Variants in HSD17B2 observed in about 807,000 individuals in gnomAD.
HSD17B2 encodes the protein hydroxysteroid 17-beta dehydrogenase 2.
HSD17B2 carries 32 observed loss-of-function variants against 26.9 expected under a neutral mutation model. The ratio of observed to expected loss-of-function variants is 1.19; its 90% confidence interval spans 0.90 to 1.60. The LOEUF (loss-of-function observed/expected upper bound fraction) is 1.60, where lower values mean the gene tolerates loss of function less well. Among genes scored for constraint, HSD17B2 ranks in the 40% most tolerant of loss-of-function variants. HSD17B2 has a pLI of 0.00. For missense variants in HSD17B2, 613 were observed against 468.6 expected (o/e 1.31, Z -2.85); for synonymous variants, 246 against 186.7 (o/e 1.32, Z -2.59).
At chr16:82,096,708 A>C (rs901442856) in intron 4 of HSD17B2, 1 of 152,204 alleles carries the variant, frequency 6.6e-6, no homozygotes, top group Non-Finnish European at 1.5e-5. Flanking sequence ...GCATTTCTAA[A>C]GGCCCAGTTG....
In HSD17B2 at chr16:82,084,454, G is replaced by C. The variant is rs976486769; in HGVS notation, c.665-6448G>C. On this transcript the variant is annotated intron_variant, in intron 3 of 4. Coordinates refer to ENST00000199936, the MANE Select transcript of HSD17B2 (RefSeq NM_002153.3). ...ATGAACCATGGGTTTTGAGTGCTTA[G>C]CACAGTTACTGGTATATAGGAAATA... Among the ~76,000 whole-genome samples, 4 of 152,220 alleles carry C rather than the reference G, an allele frequency of 2.6e-5. No individual in the cohort carries two copies. The East Asian group carries it at 7.7e-4, about 29-fold the overall frequency.
chr16:82,091,906 C>T (rs1046675064), intron 4 of HSD17B2: 6 of 152,192 alleles, frequency 3.9e-5, no homozygotes, highest in African/African-American at 1.4e-4. Flanking sequence ...TGGGTTAGAA[C>T]CCTGGTCCCC....
intron 4 of HSD17B2, chr16:82,096,847 A>C (rs1269686899): frequency 6.6e-6 from 1 of 152,160 alleles, no homozygotes. Context: ...ATACTGTTGA[A>C]TAAAGAAGCT....
At chr16:82,059,453 A>C (rs1223500425) in intron 1 of HSD17B2, among the ~76,000 whole-genome samples, 3 of 152,256 alleles carry the variant, frequency 2.0e-5, no homozygotes, top group East Asian at 3.8e-4. Context: ...AAGAGATCTC[A>C]GAAACTGTTG....
intron 2 of HSD17B2, 185 bp from the exon 3 acceptor site, chr16:82,070,757 C>T: frequency 1.7e-6 from 1 of 594,136 alleles, no homozygotes; most frequent in Non-Finnish European, 3.0e-6. Flanking sequence ...CTTCCTGTTA[C>T]AGGAATTCCC....
rs1200075044 is a variant in HSD17B2 at position 82,071,128 on chromosome 16, G to A, written c.664+1G>A. The A allele has an allele frequency of 6.2e-7, 1 of 1,613,940 alleles. No individual in the cohort carries two copies. The highest frequency in any genetic ancestry group is 8.5e-7 in the Non-Finnish European group (1 of 1,179,942). On this transcript the variant is annotated splice_donor_variant, in intron 3 of 4. Coordinates refer to ENST00000199936, the MANE Select transcript of HSD17B2 (RefSeq NM_002153.3). LOFTEE classifies it high-confidence loss of function. The stretch of plus-strand genomic sequence containing the variant: ...CTGGTGAATGTCAGCAGCATGGGAG[G>A]TGAGTCAGCATTTTCACACATGGTC...
At position 82,035,689 on chromosome 16, in the gene HSD17B2, G is replaced by T; in HGVS notation, c.265G>T (p.Gly89Cys). The T allele has an allele frequency of 1.2e-6, 2 of 1,613,152 alleles. No individual in the cohort carries two copies. Among genetic ancestry groups the T allele is most frequent in the South Asian group, 1.1e-5 (1 of 90,990 alleles). The change falls in exon 1 of 5, where the codon GGT becomes TGT. Residue 89 changes from glycine to cysteine, a missense_variant and splice_region_variant. Transcript: ENST00000199936. Reference sequence around the variant, plus strand: ...GGATCAGAAGGCAGTCCTGGTGACAGGTAAGCAGACGGTGCTACAATTTTC... The same window carrying T: ...GGATCAGAAGGCAGTCCTGGTGACATGTAAGCAGACGGTGCTACAATTTTC... ...PVDQKAVLVT[G>C]GDCGLGHALC...
intron 1 of HSD17B2, among the ~76,000 whole-genome samples, chr16:82,067,292 A>G (rs1420561602): frequency 6.6e-6 from 1 of 152,232 alleles, no homozygotes; most frequent in Non-Finnish European, 1.5e-5. Context: ...TTTCTTATTA[A>G]AACAAGAGAG....
intron 1 of HSD17B2, among the ~76,000 whole-genome samples, chr16:82,058,262 G>C (rs2143955233): frequency 6.6e-6 from 1 of 151,702 alleles, no homozygotes; most frequent in Non-Finnish European, 1.5e-5. Flanking sequence ...GTAGAGGCAG[G>C]GTCTCCCTTT....
At chr16:82,060,718 AT>A (rs1419667115) in intron 1 of HSD17B2, among the ~76,000 whole-genome samples, 2 of 152,188 alleles carry the variant, frequency 1.3e-5, no homozygotes, top group Admixed American at 6.5e-5. Context: ...GCCTCTGAAG[AT>A]ACCAACCCCG....
At chr16:82,051,247 A>G (rs1914097317) in intron 1 of HSD17B2, among the ~76,000 whole-genome samples, 1 of 152,240 alleles carries the variant, frequency 6.6e-6, no homozygotes, top group Non-Finnish European at 1.5e-5. Context: ...CCTGGTATGC[A>G]GTAGATGCTT....
chr16:82,086,782 C>T (rs550156795), intron 3 of HSD17B2, among the ~76,000 whole-genome samples: 3 of 152,302 alleles, frequency 2.0e-5, no homozygotes, highest in African/African-American at 7.2e-5. Flanking sequence ...ATCGTGTGGC[C>T]TAAACAACAC....
At chr16:82,035,744 C>T in intron 1 of HSD17B2, 55 bp downstream of exon 1, 1 of 1,561,770 alleles carries the variant, frequency 6.4e-7, no homozygotes, top group South Asian at 1.2e-5. Flanking sequence ...ACTTGCTTTG[C>T]CTTAGCAGGA....
At chr16:82,045,659 C>T (rs752690314) in intron 1 of HSD17B2, among the ~76,000 whole-genome samples, 25 of 152,208 alleles carry the variant, frequency 1.6e-4, no homozygotes, top group Non-Finnish European at 3.1e-4. Flanking sequence ...CTCCTTTGTT[C>T]TTTTGCACTC....
At chr16:82,047,598 G>C (rs7200696) in intron 1 of HSD17B2, among the ~76,000 whole-genome samples, 22,374 of 152,170 alleles carry the variant, frequency 0.15, 4,774 homozygotes, top group African/African-American at 0.47. Flanking sequence ...GAGGCAAGAG[G>C]ATGTAGGAGA....
intron 3 of HSD17B2, among the ~76,000 whole-genome samples, chr16:82,082,341 G>C (rs1344777427): frequency 1.3e-5 from 2 of 152,044 alleles, no homozygotes; most frequent in African/African-American, 4.8e-5. Context: ...TTGCTTAAAA[G>C]GATGTTTGCC....
Position 82,071,065 on chromosome 16 carries a change from A to G in HSD17B2, c.602A>G (p.Lys201Arg). 1 of 1,614,216 alleles carries G rather than the reference A, an allele frequency of 6.2e-7. No homozygotes were observed. The highest frequency in any genetic ancestry group is 8.5e-7 in the Non-Finnish European group (1 of 1,180,040). ...TTCTTTGGAACTGTGGAGGTCACAA[A>G]GACGTTTTTGCCTCTTCTTAGAAAA... ...VNFFGTVEVT[K>R]TFLPLLRKSK... Residue 201 changes from lysine to arginine, a missense_variant, in exon 3 of 5, where the codon AAG becomes AGG. Physicochemically the swap from Lys to Arg is conservative, Grantham distance 26. Coordinates refer to ENST00000199936, the MANE Select transcript of HSD17B2 (RefSeq NM_002153.3).
At chr16:82,047,241 C>T (rs79904871) in intron 1 of HSD17B2, among the ~76,000 whole-genome samples, 61 of 152,228 alleles carry the variant, frequency 4.0e-4, no homozygotes, top group Admixed American at 9.8e-4. Flanking sequence ...CAGTCATGCC[C>T]GGGGTTTGTT....
intron 3 of HSD17B2, among the ~76,000 whole-genome samples, chr16:82,075,291 A>G (rs985092814): frequency 4.6e-5 from 7 of 152,146 alleles, no homozygotes; most frequent in Non-Finnish European, 7.4e-5. Context: ...ATCTCAAAAA[A>G]CTAGAAAAGC....
Sources: gnomAD v4.1 joint callset for allele counts (sites outside exome capture counted in the v4.1 genomes callset) on GRCh38, gnomAD v4.1.1 for gene constraint, MANE v1.5 for transcripts, NCBI Gene and HGNC (gene_info 2026-07-23, HGNC 2026-07-21) for gene names.